Variants in NPSR1 observed in about 807,000 individuals in gnomAD.
The protein encoded by NPSR1 is neuropeptide S receptor 1.
In NPSR1, 48 loss-of-function variants were observed where a neutral mutation model predicts 46.9. The observed-to-expected ratio is 1.02, with a 90% CI of 0.81 to 1.30. NPSR1 has a LOEUF of 1.30. NPSR1 is among the 50% of genes most tolerant of loss of function. The pLI, the probability that NPSR1 is intolerant of heterozygous loss-of-function variation, is 0.00. For synonymous variants in NPSR1, 176 were observed against 168.1 expected, an observed-to-expected ratio of 1.05 and a Z score of -0.36; for missense variants, 450 against 449.5, an observed-to-expected ratio of 1.00 and a Z score of -0.01.
At chr7:34,802,158 TC>T (rs1788452771) in intron 3 of NPSR1, among the ~76,000 whole-genome samples, 1 of 150,326 alleles carries the variant, frequency 6.7e-6, no homozygotes, top group Non-Finnish European at 1.5e-5. Context: ...TTTTATAGAT[TC>T]AATGCCATCC....
chr7:34,703,135 G>A (rs1396218422), intron 2 of NPSR1, among the ~76,000 whole-genome samples: 4 of 152,276 alleles, frequency 2.6e-5, no homozygotes, highest in Non-Finnish European at 5.9e-5. Context: ...CAAGGCGGGC[G>A]GATCACGAGG....
intron 3 of NPSR1, among the ~76,000 whole-genome samples, chr7:34,786,361 C>T (rs1328281029): frequency 6.6e-6 from 1 of 152,120 alleles, no homozygotes; most frequent in Non-Finnish European, 1.5e-5. Flanking sequence ...GTACACACTC[C>T]ACTTCTAATT....
chr7:34,805,367 T>C (rs1788643111), intron 3 of NPSR1, among the ~76,000 whole-genome samples: 1 of 146,698 alleles, frequency 6.8e-6, no homozygotes, highest in African/African-American at 2.5e-5. Context: ...AGCCCAGAAA[T>C]AGACATACAA....
intron 1 of NPSR1, among the ~76,000 whole-genome samples, chr7:34,682,927 C>T (rs748430609): frequency 7.2e-5 from 11 of 152,064 alleles, no homozygotes; most frequent in Non-Finnish European, 1.0e-4. Context: ...ATGCTGGACA[C>T]GATATATCTG....
At chr7:34,820,953 G>A (rs1789523617) in intron 4 of NPSR1, among the ~76,000 whole-genome samples, 1 of 152,100 alleles carries the variant, frequency 6.6e-6, no homozygotes, top group African/African-American at 2.4e-5. Flanking sequence ...CTGTGTTGAT[G>A]TTAACGCTGG....
intron 5 of NPSR1, among the ~76,000 whole-genome samples, chr7:34,828,350 A>G (rs140564699): frequency 5.3e-5 from 8 of 152,346 alleles, no homozygotes; most frequent in Admixed American, 6.5e-5. Context: ...TCAGTTGTGA[A>G]TGACCTTGGC....
At chr7:34,712,606 C>A (rs937994018) in intron 2 of NPSR1, among the ~76,000 whole-genome samples, 2 of 152,180 alleles carry the variant, frequency 1.3e-5, no homozygotes, top group Non-Finnish European at 2.9e-5. Flanking sequence ...AATCTTCCAA[C>A]AACCAGGAGC....
chr7:34,807,662 A>G (rs966179642), intron 3 of NPSR1, among the ~76,000 whole-genome samples: 1 of 152,200 alleles, frequency 6.6e-6, no homozygotes, highest in Non-Finnish European at 1.5e-5. Flanking sequence ...TTTAAACAGC[A>G]TAGAATTAGA....
chr7:34,706,037 A>T (rs999044493), intron 2 of NPSR1, among the ~76,000 whole-genome samples: 2 of 151,808 alleles, frequency 1.3e-5, no homozygotes, highest in African/African-American at 4.8e-5. Context: ...ATGGGTATAG[A>T]AATCTTGAAT....
chr7:34,670,291 T>G (rs432478), intron 1 of NPSR1, among the ~76,000 whole-genome samples: 45,339 of 151,632 alleles, frequency 0.3, 8,166 homozygotes, highest in African/African-American at 0.52. Context: ...ATAAGAAATA[T>G]TTTGCACTGA....
chr7:34,790,911 A>T (rs1462479080), intron 3 of NPSR1, among the ~76,000 whole-genome samples: 4 of 133,490 alleles, frequency 3.0e-5, no homozygotes, highest in South Asian at 2.2e-4. Context: ...ATGTTATATT[A>T]TATATCATAT....
chr7:34,669,082 C>T (rs565313414), intron 1 of NPSR1, among the ~76,000 whole-genome samples: 1 of 152,108 alleles, frequency 6.6e-6, no homozygotes, highest in African/African-American at 2.4e-5. Flanking sequence ...AAATTATAAC[C>T]CAGATAAGGC....
At chr7:34,770,336 T>G (rs1279018795) in intron 2 of NPSR1, among the ~76,000 whole-genome samples, 1 of 152,172 alleles carries the variant, frequency 6.6e-6, no homozygotes, top group Non-Finnish European at 1.5e-5. Context: ...ACATCTGACC[T>G]TCTCAGTAAG....
At chr7:34,666,876 T>C (rs1369989536) in intron 1 of NPSR1, among the ~76,000 whole-genome samples, 1 of 152,170 alleles carries the variant, frequency 6.6e-6, no homozygotes, top group African/African-American at 2.4e-5. Flanking sequence ...TCAGACTAGA[T>C]TGTATGGTTT....
chr7:34,661,642 G>C (rs1791457163), intron 1 of NPSR1, among the ~76,000 whole-genome samples: 1 of 152,100 alleles, frequency 6.6e-6, no homozygotes, highest in Admixed American at 6.5e-5. Context: ...ACCTTCCTAA[G>C]CATGTGAGGC....
At chr7:34,835,682 G>T (rs1790332139) in intron 6 of NPSR1, among the ~76,000 whole-genome samples, 1 of 152,166 alleles carries the variant, frequency 6.6e-6, no homozygotes, top group African/African-American at 2.4e-5. Context: ...ATAAGTCTGG[G>T]TTCTTCACCT....
chr7:34,679,709 G>C (rs1792516863), intron 1 of NPSR1, among the ~76,000 whole-genome samples: 2 of 151,900 alleles, frequency 1.3e-5, no homozygotes, highest in Non-Finnish European at 2.9e-5. Flanking sequence ...TGTAATTGAA[G>C]ATGAAATAGA....
chr7:34,755,715 C>G (rs1785796728), intron 2 of NPSR1, among the ~76,000 whole-genome samples: 1 of 151,790 alleles, frequency 6.6e-6, no homozygotes. Flanking sequence ...TTTTAAATGT[C>G]CTAAAAACAC....
At chr7:34,751,930 C>G in intron 2 of NPSR1, 2 of 1,336,658 alleles carry the variant, frequency 1.5e-6, no homozygotes, top group Non-Finnish European at 2.1e-6. Flanking sequence ...AACTTGTGTT[C>G]CTGAGGCAAC....
Sources: allele counts gnomAD v4.1 joint callset (sites outside exome capture counted in the v4.1 genomes callset), GRCh38; gene constraint gnomAD v4.1.1; transcripts MANE v1.5; gene names NCBI Gene and HGNC (gene_info 2026-07-23, HGNC 2026-07-21).